RPTOR: variants seen among roughly 807,000 people sequenced by gnomAD.
RPTOR encodes the protein regulatory associated protein of MTOR complex 1.
Under a neutral mutation model 169.9 loss-of-function variants are expected in RPTOR, and 21 were observed. The ratio of observed to expected loss-of-function variants is 0.12; its 90% CI spans 0.09 to 0.18. RPTOR has a LOEUF of 0.18. Among genes scored for constraint, RPTOR ranks in the 10% least tolerant of loss-of-function variants. The pLI is 1.00. For missense variants in RPTOR, 1,133 were observed against 1,855.9 expected (o/e 0.61, Z 7.16); for synonymous variants, 732 against 753.2 (o/e 0.97, Z 0.46).
rs578074815 is a variant in RPTOR, at chr17:80,803,999, G to C, written c.890+12490G>C. Among the ~76,000 whole-genome samples the C allele has an allele frequency of 6.6e-6, 1 of 152,210 alleles. No individual in the cohort carries two copies. Among genetic ancestry groups the C allele is most frequent in the Non-Finnish European group, 1.5e-5 (1 of 68,030 alleles). ...GTGGCAAGGGCCTTCTTTGAAAGAG[G>C]CATATGTAGCTTCAGTATTTATAAT... On this transcript the variant is annotated intron_variant, in intron 7 of 33. Coordinates refer to ENST00000306801, the MANE Select transcript of RPTOR (RefSeq NM_020761.3). The surrounding 1 kb of genome is among the most constrained non-coding windows in gnomAD (Gnocchi z 6.2).
At chr17:80,840,331 G>GCACGGCAGCTCACACTCACCA (rs2067615041) in intron 10 of RPTOR, among the ~76,000 whole-genome samples, 3 of 133,498 alleles carry the variant, frequency 2.2e-5, no homozygotes, top group South Asian at 2.6e-4. Context: ...CACTCTCACC[G>GCACGGCAGCTCACACTCACCA]CACGGCAGCT....
intron 2 of RPTOR, among the ~76,000 whole-genome samples, chr17:80,626,776 AATTATTATTATT>A (rs143412094): frequency 1.9e-3 from 270 of 141,012 alleles, no homozygotes; most frequent in African/African-American, 5.8e-3. Flanking sequence ...CCATTCTAGG[AATTATTATTATT>A]ATTATTATTA....
rs74001161 is a variant in RPTOR, at chr17:80,959,540, G to A, written c.3478-538G>A. Among the ~76,000 whole-genome samples the A allele has an allele frequency of 5.9e-3, 896 of 152,236 alleles. 13 individuals are homozygous for A. Among genetic ancestry groups the A allele is most frequent in the African/African-American group, 0.02 (824 of 41,526 alleles). On this transcript the variant is annotated intron_variant, in intron 29 of 33. Coordinates refer to ENST00000306801, the MANE Select transcript of RPTOR (RefSeq NM_020761.3). This position sits in a 1 kb window ranked among gnomAD's most constrained non-coding sequence, Gnocchi z 6.7. ...CCTCTCGTGGCCCTTTTCCTCCTGC[G>A]TCCCTGGCAGGTGCCATCGCCCCCG...
At chr17:80,706,259 T>C (rs1245377214) in intron 3 of RPTOR, among the ~76,000 whole-genome samples, 1 of 152,168 alleles carries the variant, frequency 6.6e-6, no homozygotes, top group Admixed American at 6.5e-5. Flanking sequence ...TCACACCCGT[T>C]GTTCCCCTCC....
chr17:80,615,017 C>T (rs1006738427), intron 1 of RPTOR, among the ~76,000 whole-genome samples: 3 of 152,146 alleles, frequency 2.0e-5, no homozygotes, highest in Admixed American at 6.5e-5. Context: ...AGAGTTCTGA[C>T]GTTATTTTAC....
intron 24 of RPTOR, among the ~76,000 whole-genome samples, chr17:80,926,152 G>A (rs2068809251): frequency 1.3e-5 from 2 of 152,168 alleles, no homozygotes; most frequent in Non-Finnish European, 1.5e-5. Context: ...GCTTATTCTC[G>A]ATTGTATATC....
In RPTOR at chr17:80,947,439, T is replaced by C; in HGVS notation, c.3265+88T>C. 1 of 1,425,334 alleles carries C rather than the reference T, an allele frequency of 7.0e-7. No homozygotes were observed. Among genetic ancestry groups the C allele is most frequent in the Non-Finnish European group, 9.2e-7 (1 of 1,086,694 alleles). The allele number at this position is 1,425,334 out of a possible 1,614,324, so 88.3% of individuals were successfully genotyped here. A position where few individuals can be genotyped will look rare whatever the true frequency, so the allele number is the denominator to read the frequency against. On this transcript the variant is annotated intron_variant, in intron 27 of 33. Transcript: ENST00000306801. The surrounding 1 kb of genome is among the most constrained non-coding windows in gnomAD (Gnocchi z 4.4). ...TGTGATCCTGAGATGTGTTTGTACA[T>C]CTGTCTTACAGAAAGCCCTGCTCAC...
In RPTOR at chr17:80,885,159, C is replaced by G. The variant is rs1344702224; in HGVS notation, c.1983+11C>G. ...CCCATGGTCCGGAAGGTGCGTGAACCCCCAGCCCGGCAGCAGCAGGGCACC... is the reference window on the plus strand; with the variant it reads ...CCCATGGTCCGGAAGGTGCGTGAACGCCCAGCCCGGCAGCAGCAGGGCACC... On this transcript the variant is annotated intron_variant, in intron 17 of 33. Transcript: ENST00000306801. The G allele has an allele frequency of 6.4e-7, 1 of 1,550,534 alleles. No homozygotes were observed. Among genetic ancestry groups the G allele is most frequent in the Non-Finnish European group, 8.7e-7 (1 of 1,146,708 alleles).
At chr17:80,599,205 G>T (rs919429255) in intron 1 of RPTOR, among the ~76,000 whole-genome samples, 4 of 152,142 alleles carry the variant, frequency 2.6e-5, no homozygotes, top group African/African-American at 7.2e-5. Flanking sequence ...ATCTGCTGGG[G>T]CGTGTGCTGT....
rs913600769 is a variant in RPTOR at position 80,883,691 on chromosome 17, T to A, written c.1651-90T>A. On this transcript the variant is annotated intron_variant, in intron 15 of 33. Coordinates refer to ENST00000306801, the MANE Select transcript of RPTOR (RefSeq NM_020761.3). ...TGAGCAAATCAAGGCTTCCCAAGAA[T>A]GGGTGGCCACCGTTGTCCCGTGCAG... 2.8e-6 allele frequency: 4 copies of A among 1,417,302 alleles called. No individual in the cohort carries two copies. The Admixed American group carries it at 7.0e-5, about 25-fold the overall frequency. The allele number at this position is 1,417,302 out of a possible 1,614,324, so 87.8% of individuals were successfully genotyped here. A position where few individuals can be genotyped will look rare whatever the true frequency, so the allele number is the denominator to read the frequency against.
intron 7 of RPTOR, among the ~76,000 whole-genome samples, chr17:80,800,027 G>A (rs1235439419): frequency 1.3e-5 from 2 of 152,224 alleles, no homozygotes; most frequent in South Asian, 2.1e-4. Context: ...CTAGGGGTCC[G>A]TGTTGGGTAA....
chr17:80,818,154 G>A (rs2067343270), intron 7 of RPTOR, among the ~76,000 whole-genome samples: 1 of 152,190 alleles, frequency 6.6e-6, no homozygotes, highest in South Asian at 2.1e-4. Flanking sequence ...TTTTGCATCA[G>A]GGTCAGCTGT....
At chr17:80,949,617 G>A (rs753966913) in intron 28 of RPTOR, 70 bp downstream of exon 28, 2 of 1,275,204 alleles carry the variant, frequency 1.6e-6, no homozygotes. Context: ...GGAATTCCAA[G>A]GCCCTTCTGG....
At chr17:80,614,857 A>C (rs1196228945) in intron 1 of RPTOR, among the ~76,000 whole-genome samples, 1 of 152,232 alleles carries the variant, frequency 6.6e-6, no homozygotes, top group Non-Finnish European at 1.5e-5. Context: ...CCCCAAGGAT[A>C]CTTGCGTGTG....
intron 21 of RPTOR, among the ~76,000 whole-genome samples, chr17:80,918,419 G>T (rs2068700770): frequency 8.0e-6 from 1 of 124,862 alleles, no homozygotes; most frequent in African/African-American, 3.2e-5. Context: ...CCTCGCGGGG[G>T]TCATAGCCAC....
At chr17:80,758,208 A>T (rs958758855) in intron 6 of RPTOR, among the ~76,000 whole-genome samples, 2 of 152,230 alleles carry the variant, frequency 1.3e-5, no homozygotes, top group African/African-American at 4.8e-5. Flanking sequence ...GCAATGTGTG[A>T]TCAAAGACCA....
chr17:80,669,705 C>T (rs1473990293), intron 3 of RPTOR, among the ~76,000 whole-genome samples: 1 of 152,204 alleles, frequency 6.6e-6, no homozygotes, highest in African/African-American at 2.4e-5. Context: ...CTTAAAACGC[C>T]TTGTTATGTT....
rs1417375252 is a variant in RPTOR, at chr17:80,545,705, C to G, written c.76C>G (p.Leu26Val). The G allele has an allele frequency of 1.2e-6, 2 of 1,613,886 alleles. No homozygotes were observed. Among genetic ancestry groups the G allele is most frequent in the South Asian group, 2.2e-5 (2 of 91,068 alleles). Residue 26 changes from leucine to valine, a missense_variant, in exon 1 of 34, where the codon CTA becomes GTA. Coordinates refer to ENST00000306801, the MANE Select transcript of RPTOR (RefSeq NM_020761.3). ...EDEADLTDWN[L>V]PLAFMKKRHC... ...TGAGGCTGATCTTACAGACTGGAACCTACCTTTGGCTTTTATGAAAAAGAG... is the reference window on the plus strand; with the variant it reads ...TGAGGCTGATCTTACAGACTGGAACGTACCTTTGGCTTTTATGAAAAAGAG...
chr17:80,918,797 G>C (rs1014632184), intron 21 of RPTOR, among the ~76,000 whole-genome samples: 13 of 152,216 alleles, frequency 8.5e-5, no homozygotes, highest in East Asian at 3.8e-4. Context: ...TGCAGCGGGG[G>C]CTCCATACAG....
Sources: gnomAD v4.1 joint callset for allele counts (sites outside exome capture counted in the v4.1 genomes callset) on GRCh38, gnomAD v4.1.1 for gene constraint, Gnocchi (gnomAD v3.1) non-coding constraint, MANE v1.5 for transcripts, NCBI Gene and HGNC (gene_info 2026-07-23, HGNC 2026-07-21) for gene names.